The following GRM7 variants were observed in gnomAD, a reference collection of about 807,000 sequenced individuals.
GRM7 encodes glutamate metabotropic receptor 7, also known as metabotropic glutamate receptor 7.
Under a neutral mutation model 84.5 loss-of-function variants are expected in GRM7, and 35 were observed. That is an observed-to-expected ratio of 0.41 (90% confidence interval 0.32 to 0.55). GRM7 has a LOEUF of 0.55. GRM7 is among the 20% of genes least tolerant of loss of function. The pLI, the probability that GRM7 is intolerant of heterozygous loss-of-function variation, is 0.19. For missense variants in GRM7, 1,003 were observed against 1,194.6 expected, an observed-to-expected ratio of 0.84 and a Z score of 2.36; for synonymous variants, 487 against 455.1, an observed-to-expected ratio of 1.07 and a Z score of -0.89.
At chr3:7,282,779 T>A (rs1699299235) in intron 2 of GRM7, among the ~76,000 whole-genome samples, 13 of 152,200 alleles carry the variant, frequency 8.5e-5, no homozygotes, top group Admixed American at 7.9e-4. Flanking sequence ...ATGAAACATC[T>A]GCAGTGATAT....
At chr3:7,254,144 A>C (rs750597759) in intron 2 of GRM7, among the ~76,000 whole-genome samples, 1 of 152,194 alleles carries the variant, frequency 6.6e-6, no homozygotes, top group Non-Finnish European at 1.5e-5. Flanking sequence ...GTCATGTCAG[A>C]AGCAGGGCAA....
chr3:7,343,589 G>C (rs1466184270), intron 4 of GRM7, among the ~76,000 whole-genome samples: 7 of 152,086 alleles, frequency 4.6e-5, no homozygotes, highest in African/African-American at 1.7e-4. Context: ...GAGGTCTACT[G>C]TTGCACAGTT....
chr3:7,120,988 G>C (rs574327876), intron 1 of GRM7, among the ~76,000 whole-genome samples: 1 of 152,010 alleles, frequency 6.6e-6, no homozygotes, highest in African/African-American at 2.4e-5. Context: ...ATTATTGTGG[G>C]GTTTTTTTCT....
intron 4 of GRM7, among the ~76,000 whole-genome samples, chr3:7,377,689 T>C (rs538027209): frequency 1.3e-4 from 20 of 152,302 alleles, no homozygotes; most frequent in African/African-American, 4.3e-4. Context: ...TTCTAGTCCC[T>C]GCAAGACATG....
chr3:7,520,195 A>G (rs879089311), intron 7 of GRM7: 9 of 152,364 alleles, frequency 5.9e-5, no homozygotes, highest in Admixed American at 5.9e-4. Flanking sequence ...ACTCATATAA[A>G]GAAAGCATGT....
intron 9 of GRM7, among the ~76,000 whole-genome samples, chr3:7,696,575 A>C (rs1266824026): frequency 6.6e-6 from 1 of 152,220 alleles, no homozygotes; most frequent in Non-Finnish European, 1.5e-5. Flanking sequence ...GGCTTCACCC[A>C]ACCTTAAACA....
chr3:7,503,121 T>C (rs2124967282), intron 7 of GRM7, among the ~76,000 whole-genome samples: 1 of 152,288 alleles, frequency 6.6e-6, no homozygotes, highest in South Asian at 2.1e-4. Context: ...AGGAAAACCA[T>C]ATAGGATGAT....
At chr3:7,007,695 A>T (rs1018115640) in intron 1 of GRM7, among the ~76,000 whole-genome samples, 5 of 152,280 alleles carry the variant, frequency 3.3e-5, no homozygotes, top group Non-Finnish European at 5.9e-5. Flanking sequence ...TCATTTATTT[A>T]TGAAAGAGTT....
At chr3:7,217,101 CA>C (rs1246377964) in intron 2 of GRM7, among the ~76,000 whole-genome samples, 1 of 151,900 alleles carries the variant, frequency 6.6e-6, no homozygotes, top group African/African-American at 2.4e-5. Context: ...GGAAAATAAG[CA>C]AAAAAGACAA....
chr3:7,564,719 C>T lies in GRM7; in HGVS notation c.1516-13703C>T, dbSNP rs146654848. On this transcript the variant is annotated intron_variant, in intron 7 of 9. Coordinates refer to ENST00000357716, the MANE Select transcript of GRM7 (RefSeq NM_000844.4). Reference sequence around the variant, plus strand: ...CTCAGGCATCATGCTATTCCTTACACGTGTCATCTTATTTAGTCTTCCTAC... The same window carrying T: ...CTCAGGCATCATGCTATTCCTTACATGTGTCATCTTATTTAGTCTTCCTAC... Among the ~76,000 whole-genome samples the T allele has an allele frequency of 2.1e-3, 323 of 152,272 alleles. 4 individuals are homozygous for T. Among genetic ancestry groups the T allele is most frequent in the African/African-American group, 7.4e-3 (308 of 41,554 alleles).
At chr3:6,974,451 T>C (rs1224778818) in intron 1 of GRM7, among the ~76,000 whole-genome samples, 2 of 152,190 alleles carry the variant, frequency 1.3e-5, no homozygotes, top group African/African-American at 4.8e-5. Flanking sequence ...GTTGAGATTA[T>C]CAAGGGAGTG....
chr3:7,293,482 A>G (rs950869372), intron 2 of GRM7, among the ~76,000 whole-genome samples: 1 of 152,176 alleles, frequency 6.6e-6, no homozygotes, highest in African/African-American at 2.4e-5. Context: ...AGGTGCTATG[A>G]ATGGAGTTGT....
At chr3:7,240,949 A>G (rs1697536823) in intron 2 of GRM7, among the ~76,000 whole-genome samples, 1 of 152,204 alleles carries the variant, frequency 6.6e-6, no homozygotes, top group African/African-American at 2.4e-5. Context: ...ACAGGTTTGT[A>G]GCCTAGGAGC....
At position 7,260,858 on chromosome 3, in the gene GRM7, G is replaced by T. The variant is rs565431117; in HGVS notation, c.737-37826G>T. 2.0e-5 allele frequency among the ~76,000 whole-genome samples: 3 copies of T among 152,282 alleles called. No homozygotes were observed. The South Asian group carries it at 6.2e-4, about 32-fold the overall frequency. On this transcript the variant is annotated intron_variant, in intron 2 of 9. Coordinates refer to ENST00000357716, the MANE Select transcript of GRM7 (RefSeq NM_000844.4). ...TAACTTTTTAACGTGGGTGTTTAAT[G>T]CTGTAAATTTCCCTGTTAATACTAC...
intron 2 of GRM7, among the ~76,000 whole-genome samples, chr3:7,223,948 A>G (rs1285879360): frequency 3.3e-5 from 5 of 152,174 alleles, no homozygotes; most frequent in Admixed American, 3.3e-4. Context: ...CAGCATAGCT[A>G]TGTATGGAAT....
At chr3:7,378,418 T>C (rs956833664) in intron 4 of GRM7, among the ~76,000 whole-genome samples, 4 of 152,268 alleles carry the variant, frequency 2.6e-5, no homozygotes, top group Non-Finnish European at 5.9e-5. Context: ...AATATTTTTC[T>C]ACTTGCATAA....
At chr3:7,093,042 A>G (rs1218682350) in intron 1 of GRM7, among the ~76,000 whole-genome samples, 1 of 152,106 alleles carries the variant, frequency 6.6e-6, no homozygotes, top group Non-Finnish European at 1.5e-5. Flanking sequence ...ATGATTGGGT[A>G]ACAGAACAAG....
At chr3:6,916,773 A>C (rs752512379) in intron 1 of GRM7, among the ~76,000 whole-genome samples, 3 of 152,182 alleles carry the variant, frequency 2.0e-5, no homozygotes, top group Non-Finnish European at 2.9e-5. Context: ...CATTCAGATC[A>C]TAGCAGAGGT....
intron 1 of GRM7, among the ~76,000 whole-genome samples, chr3:7,037,921 T>C (rs1160446623): frequency 6.6e-6 from 1 of 152,196 alleles, no homozygotes; most frequent in African/African-American, 2.4e-5. Context: ...CATGGAAATG[T>C]ATTCTAAACA....
Sources: allele counts gnomAD v4.1 joint callset (sites outside exome capture counted in the v4.1 genomes callset), GRCh38; gene constraint gnomAD v4.1.1; transcripts MANE v1.5; gene names NCBI Gene and HGNC (gene_info 2026-07-23, HGNC 2026-07-21).